The following NAALADL2 variants were observed in gnomAD, a reference collection of about 807,000 sequenced individuals.
The protein encoded by NAALADL2 is inactive N-acetylated-alpha-linked acidic dipeptidase-like protein 2.
Under a neutral mutation model 87.2 loss-of-function variants are expected in NAALADL2, and 76 were observed. That is an observed-to-expected ratio of 0.87 (90% CI 0.72 to 1.05). The LOEUF is 1.05. Ranked by LOEUF, NAALADL2 falls within the 50% of genes least tolerant of loss-of-function variation. The probability of loss-of-function intolerance (pLI) is 0.00; values close to 1 mark genes in which losing one functional copy is unlikely to be tolerated. For synonymous variants in NAALADL2, 354 were observed against 331.0 expected (o/e 1.07, Z -0.75); for missense variants, 1,089 against 945.8 (o/e 1.15, Z -1.99).
Position 174,766,169 on chromosome 3 carries a change from G to A in NAALADL2, c.-9+28423G>A, listed in dbSNP as rs115008123. ...TTTCCCTTTCTTATCCTATTTGGAT[G>A]TCATTATTCAATGTTTGCATTCACT... is the stretch of plus-strand genomic sequence containing the variant. On this transcript the variant is annotated intron_variant, in intron 3 of 3. Coordinates refer to the NAALADL2 transcript ENST00000434257. Among the ~76,000 whole-genome samples, 470 of 152,274 alleles carry A rather than the reference G, an allele frequency of 3.1e-3. 3 individuals carry two copies. Among genetic ancestry groups the A allele is most frequent in the African/African-American group, 0.011 (450 of 41,556 alleles).
chr3:174,971,383 T>C (rs1176049368), intron 1 of NAALADL2, among the ~76,000 whole-genome samples: 1 of 152,192 alleles, frequency 6.6e-6, no homozygotes, highest in Non-Finnish European at 1.5e-5. Context: ...AGCATTTGCT[T>C]TCTATCTTAA....
At chr3:174,548,903 G>C (rs113801777) in intron 1 of NAALADL2, among the ~76,000 whole-genome samples, 2 of 152,054 alleles carry the variant, frequency 1.3e-5, no homozygotes, top group Admixed American at 1.3e-4. Context: ...GCAGTGGCAC[G>C]ATCACAGCTC....
At chr3:175,440,460 T>C (rs1307260935) in intron 5 of NAALADL2, among the ~76,000 whole-genome samples, 1 of 152,160 alleles carries the variant, frequency 6.6e-6, no homozygotes, top group East Asian at 1.9e-4. Context: ...ATTGAATTTG[T>C]AAATTGTTTT....
rs1474979796 is a variant in NAALADL2 at position 175,363,271 on chromosome 3, T to A, written c.1090+38946T>A. On this transcript the variant is annotated intron_variant, in intron 5 of 13. Coordinates refer to ENST00000454872, the MANE Select transcript of NAALADL2 (RefSeq NM_207015.3). ...TTTTTCACAATATTAATTATAAGGA[T>A]GTGTTCTTTCAAGTTGTTTTCTTTA... 1.4e-5 allele frequency among the ~76,000 whole-genome samples: 2 copies of A among 147,816 alleles called. 1 individual carries two copies. Among genetic ancestry groups the A allele is most frequent in the South Asian group, 4.4e-4 (2 of 4,534 alleles).
chr3:174,551,854 A>G (rs1194949994), intron 2 of NAALADL2, among the ~76,000 whole-genome samples: 10 of 152,308 alleles, frequency 6.6e-5, no homozygotes, highest in African/African-American at 1.9e-4. Context: ...AAGATACCTG[A>G]AATCTATTTT....
At chr3:175,336,002 G>C (rs1308493739) in intron 5 of NAALADL2, among the ~76,000 whole-genome samples, 3 of 152,252 alleles carry the variant, frequency 2.0e-5, no homozygotes, top group African/African-American at 4.8e-5. Context: ...GTAATGAGCA[G>C]TGACACCACC....
At chr3:174,903,785 G>A (rs1300468895) in intron 1 of NAALADL2, among the ~76,000 whole-genome samples, 1 of 151,700 alleles carries the variant, frequency 6.6e-6, no homozygotes, top group Non-Finnish European at 1.5e-5. Flanking sequence ...AAGTTTTCAG[G>A]TAATGAGATT....
At chr3:174,470,886 A>T (rs1716854912) in intron 1 of NAALADL2, among the ~76,000 whole-genome samples, 1 of 152,058 alleles carries the variant, frequency 6.6e-6, no homozygotes, top group African/African-American at 2.4e-5. Flanking sequence ...TGATTCTGTA[A>T]TTTGTTTTAA....
chr3:174,787,621 A>ATATATATATATATATATAT (rs1578931205), intron 3 of NAALADL2, among the ~76,000 whole-genome samples: 1 of 109,240 alleles, frequency 9.2e-6, no homozygotes, highest in Non-Finnish European at 2.0e-5. Flanking sequence ...ATATATATAT[A>ATATATATATATATATATAT]GTAGTGACTC....
At chr3:174,734,197 G>A (rs1185783746) in intron 2 of NAALADL2, among the ~76,000 whole-genome samples, 1 of 152,020 alleles carries the variant, frequency 6.6e-6, no homozygotes, top group African/African-American at 2.4e-5. Context: ...TTGAGAATTA[G>A]GTAGTGATTT....
At chr3:175,329,849 A>G (rs4132381) in intron 5 of NAALADL2, among the ~76,000 whole-genome samples, 99,625 of 152,058 alleles carry the variant, frequency 0.66, 34,766 homozygotes, top group African/African-American at 0.91. Context: ...CCTTTCAAAA[A>G]TCTAAATTTT....
At chr3:174,466,272 GA>G (rs1392644874) in intron 1 of NAALADL2, among the ~76,000 whole-genome samples, 4 of 150,096 alleles carry the variant, frequency 2.7e-5, no homozygotes, top group Admixed American at 1.3e-4. Flanking sequence ...AACATTATGA[GA>G]TTTTTTTTTT....
chr3:175,649,669 T>G (rs2149784613), intron 11 of NAALADL2, among the ~76,000 whole-genome samples: 1 of 152,228 alleles, frequency 6.6e-6, no homozygotes, highest in South Asian at 2.1e-4. Context: ...AGCTCTCTGG[T>G]ATCTCTTCTT....
At chr3:174,804,733 G>A (rs926344628) in intron 3 of NAALADL2, among the ~76,000 whole-genome samples, 1 of 152,082 alleles carries the variant, frequency 6.6e-6, no homozygotes, top group Non-Finnish European at 1.5e-5. Context: ...AGAACATTTT[G>A]AATAAATCTA....
At chr3:175,699,955 T>C (rs1738756541) in intron 11 of NAALADL2, among the ~76,000 whole-genome samples, 1 of 152,142 alleles carries the variant, frequency 6.6e-6, no homozygotes, top group African/African-American at 2.4e-5. Context: ...TGTAGTCCAG[T>C]TAGAATACCA....
At chr3:175,164,761 T>C (rs987611099) in intron 2 of NAALADL2, among the ~76,000 whole-genome samples, 5 of 152,166 alleles carry the variant, frequency 3.3e-5, no homozygotes, top group African/African-American at 1.2e-4. Flanking sequence ...CTATAAGAGC[T>C]AACAGATTTG....
chr3:174,872,388 C>T (rs754984007), intron 1 of NAALADL2, among the ~76,000 whole-genome samples: 5 of 152,008 alleles, frequency 3.3e-5, no homozygotes, highest in African/African-American at 4.8e-5. Flanking sequence ...GTGGCAGAGC[C>T]GGGATTCGGG....
intron 1 of NAALADL2, among the ~76,000 whole-genome samples, chr3:174,883,272 T>C (rs745380802): frequency 2.0e-5 from 3 of 152,108 alleles, no homozygotes; most frequent in Non-Finnish European, 4.4e-5. Flanking sequence ...CCAGGAGCAA[T>C]GCTTTGTATC....
At chr3:175,114,518 A>G (rs1458324942) in intron 2 of NAALADL2, among the ~76,000 whole-genome samples, 1 of 151,678 alleles carries the variant, frequency 6.6e-6, no homozygotes, top group African/African-American at 2.4e-5. Flanking sequence ...AATGTATGCT[A>G]AACATATAAG....
Sources: gnomAD v4.1 joint callset for allele counts (sites outside exome capture counted in the v4.1 genomes callset) on GRCh38, gnomAD v4.1.1 for gene constraint, MANE v1.5 for transcripts, NCBI Gene and HGNC (gene_info 2026-07-23, HGNC 2026-07-21) for gene names.